Variants in AVEN observed in about 807,000 individuals in gnomAD.
AVEN encodes cell death regulator Aven.
A neutral mutation model predicts 38.1 loss-of-function variants in AVEN; 41 were observed. That is an observed-to-expected ratio of 1.08 (90% confidence interval 0.84 to 1.40). AVEN has a LOEUF of 1.40. Ranked by LOEUF, AVEN falls within the 40% of genes most tolerant of loss-of-function variation. The probability of loss-of-function intolerance (pLI) is 0.00; values close to 1 mark genes in which losing one functional copy is unlikely to be tolerated. For missense variants in AVEN, 605 were observed against 438.8 expected (o/e 1.38, Z -3.38); for synonymous variants, 206 against 171.8 (o/e 1.20, Z -1.56).
intron 5 of AVEN, among the ~76,000 whole-genome samples, chr15:34,056,424 C>T (rs191655890): frequency 1.8e-4 from 28 of 152,322 alleles, no homozygotes; most frequent in Non-Finnish European, 8.8e-5. Context: ...AGACATTCCT[C>T]TGAGAAAGGC....
chr15:33,962,624 AG>A (rs1895231646), intron 2 of AVEN, among the ~76,000 whole-genome samples: 4 of 152,202 alleles, frequency 2.6e-5, no homozygotes, highest in Admixed American at 2.6e-4. Flanking sequence ...ATGCCACATC[AG>A]ACTCAAATCC....
downstream of AVEN, chr15:33,854,662 A>AC (rs2153000852): frequency 7.0e-7 from 1 of 1,436,430 alleles, no homozygotes; most frequent in South Asian, 1.4e-5. Flanking sequence ...CAGCACCTAA[A>AC]CCCCCTCTAT....
intron 2 of AVEN, among the ~76,000 whole-genome samples, chr15:33,978,790 G>T (rs1896006690): frequency 6.6e-6 from 1 of 152,104 alleles, no homozygotes; most frequent in South Asian, 2.1e-4. Flanking sequence ...CTACACCCAA[G>T]AAATATTAGA....
chr15:33,854,159 A>G (rs1341156044), downstream of AVEN, among the ~76,000 whole-genome samples: 1 of 149,994 alleles, frequency 6.7e-6, no homozygotes, highest in African/African-American at 2.5e-5. Flanking sequence ...TCACGCCACT[A>G]CACTCCAGCC....
At chr15:34,036,509 C>G (rs948773448) in intron 1 of AVEN, among the ~76,000 whole-genome samples, 1 of 152,104 alleles carries the variant, frequency 6.6e-6, no homozygotes, top group Non-Finnish European at 1.5e-5. Context: ...AACAAGAAGG[C>G]TTCAGGAAAG....
chr15:34,024,002 C>T (rs1472580664), intron 1 of AVEN, among the ~76,000 whole-genome samples: 1 of 152,126 alleles, frequency 6.6e-6, no homozygotes, highest in Non-Finnish European at 1.5e-5. Context: ...TGGTTTTAAT[C>T]GTAACAGGAA....
At chr15:33,908,114 G>A (rs965903184) in intron 2 of AVEN, among the ~76,000 whole-genome samples, 3 of 152,026 alleles carry the variant, frequency 2.0e-5, no homozygotes, top group Non-Finnish European at 2.9e-5. Flanking sequence ...TAAAATTTAC[G>A]ATTTTAGTCA....
At chr15:33,859,727 T>C (rs781536047) in intron 11 of AVEN, 1 of 1,607,040 alleles carries the variant, frequency 6.2e-7, no homozygotes, top group South Asian at 1.1e-5. Context: ...TGGCCATCAT[T>C]CAAGGTATGA....
rs184993764 is a variant in AVEN, at chr15:34,071,317, C to T, written n.721-666G>A. On this transcript the variant is annotated intron_variant and non_coding_transcript_variant, in intron 1 of 11. Coordinates refer to the AVEN transcript ENST00000675287. ...TTAATTTTATTTTGAGACAGAGTCTCGCTCTGTCACCTAGAGTGGAGTGCA... is the reference window on the plus strand; with the variant it reads ...TTAATTTTATTTTGAGACAGAGTCTTGCTCTGTCACCTAGAGTGGAGTGCA... Among the ~76,000 whole-genome samples the T allele has an allele frequency of 2.8e-3, 419 of 152,268 alleles. 3 individuals carry two copies. The highest frequency in any genetic ancestry group is 9.3e-3 in the African/African-American group (385 of 41,540).
At chr15:33,875,440 G>C (rs1378338122) in intron 3 of AVEN, among the ~76,000 whole-genome samples, 2 of 152,190 alleles carry the variant, frequency 1.3e-5, no homozygotes, top group African/African-American at 4.8e-5. Context: ...ATTTGGGGTT[G>C]AGAGACTTGC....
intron 2 of AVEN, among the ~76,000 whole-genome samples, chr15:33,949,364 T>G (rs1270276222): frequency 6.6e-6 from 1 of 152,214 alleles, no homozygotes; most frequent in African/African-American, 2.4e-5. Context: ...TCTATAGTTA[T>G]CGTTAATTTA....
At chr15:33,876,757 G>C (rs1314547326) in intron 2 of AVEN, among the ~76,000 whole-genome samples, 1 of 152,140 alleles carries the variant, frequency 6.6e-6, no homozygotes, top group Non-Finnish European at 1.5e-5. Flanking sequence ...TTTGATAGGT[G>C]TGTGTACTTA....
chr15:34,043,278 G>A (rs961811052), upstream of AVEN, among the ~76,000 whole-genome samples: 1 of 151,958 alleles, frequency 6.6e-6, no homozygotes, highest in Non-Finnish European at 1.5e-5. Flanking sequence ...GATCTCATAG[G>A]CTTTCACTGT....
At chr15:33,876,063 C>A in intron 2 of AVEN, 68 bp from the exon 3 acceptor site, 1 of 1,457,396 alleles carries the variant, frequency 6.9e-7, no homozygotes, top group African/African-American at 1.4e-5. Context: ...CTAAATTTCC[C>A]TGCTAGAGCA....
intron 1 of AVEN, among the ~76,000 whole-genome samples, chr15:34,030,881 G>C (rs1017454250): frequency 6.6e-6 from 1 of 151,570 alleles, no homozygotes; most frequent in Non-Finnish European, 1.5e-5. Context: ...CCCTCCCAAA[G>C]TGCTGGGATT....
chr15:33,921,584 A>G (rs947490480), intron 2 of AVEN, among the ~76,000 whole-genome samples: 1 of 152,216 alleles, frequency 6.6e-6, no homozygotes, highest in African/African-American at 2.4e-5. Flanking sequence ...GTAAGTTGGG[A>G]GCAGCCTGTG....
At chr15:33,980,504 T>C (rs1896089229) in intron 2 of AVEN, among the ~76,000 whole-genome samples, 2 of 152,218 alleles carry the variant, frequency 1.3e-5, no homozygotes, top group African/African-American at 2.4e-5. Context: ...CTGATGGCCA[T>C]ATATGACATG....
rs577951205 is a variant in AVEN at position 33,975,062 on chromosome 15, A to G, written c.445+27970T>C. On this transcript the variant is annotated intron_variant, in intron 2 of 5. Transcript: ENST00000306730. ...TCTTTCAAACACCATCTTAGATAAA[A>G]TATCAAGATATAAGACATATAAGAG... Among the ~76,000 whole-genome samples, 4 of 152,300 alleles carry G rather than the reference A, an allele frequency of 2.6e-5. 1 individual carries two copies. In the South Asian group the frequency reaches 8.3e-4, roughly 32 times the overall value.
intron 2 of AVEN, among the ~76,000 whole-genome samples, chr15:33,968,078 T>C (rs534371119): frequency 3.1e-4 from 22 of 70,902 alleles, no homozygotes; most frequent in African/African-American, 9.2e-4. Flanking sequence ...AACATGTCTG[T>C]GAATAATGCC....
Sources: gnomAD v4.1 joint callset for allele counts (sites outside exome capture counted in the v4.1 genomes callset) on GRCh38, gnomAD v4.1.1 for gene constraint, MANE v1.5 for transcripts, NCBI Gene and HGNC (gene_info 2026-07-23, HGNC 2026-07-21) for gene names.